The following NEO1 variants were observed in gnomAD, a reference collection of about 807,000 sequenced individuals.
The protein encoded by NEO1 is neogenin.
A neutral mutation model predicts 159.7 loss-of-function variants in NEO1; 63 were observed. That is an observed-to-expected ratio of 0.39 (90% CI 0.32 to 0.49). The LOEUF is 0.49. Among genes scored for constraint, NEO1 ranks in the 20% least tolerant of loss-of-function variants. The pLI is 0.85. For synonymous variants in NEO1, 633 were observed against 662.0 expected (o/e 0.96, Z 0.67); for missense variants, 1,615 against 1,831.0 (o/e 0.88, Z 2.15).
At chr15:73,093,661 C>T (rs2069829256) in intron 1 of NEO1, among the ~76,000 whole-genome samples, 1 of 151,896 alleles carries the variant, frequency 6.6e-6, no homozygotes. Flanking sequence ...GCAACCTCTG[C>T]CTCCCAGGCT....
intron 9 of NEO1, among the ~76,000 whole-genome samples, chr15:73,247,376 C>T (rs2039849155): frequency 6.6e-6 from 1 of 152,178 alleles, no homozygotes; most frequent in South Asian, 2.1e-4. Context: ...TATTTGCCTA[C>T]ACTTGGCCAA....
intron 1 of NEO1, among the ~76,000 whole-genome samples, chr15:73,113,900 TAAAAG>T (rs2071144660): frequency 6.6e-6 from 1 of 152,190 alleles, no homozygotes; most frequent in South Asian, 2.1e-4. Context: ...ACCTAACTGT[TAAAAG>T]AAATAGGATG....
chr15:73,190,262 G>A (rs1478078280), intron 7 of NEO1, among the ~76,000 whole-genome samples: 2 of 152,114 alleles, frequency 1.3e-5, no homozygotes, highest in Non-Finnish European at 2.9e-5. Context: ...AAATTATCAT[G>A]TGAGACTGGA....
intron 1 of NEO1, 50 bp from the exon 2 acceptor site, chr15:73,116,486 CAAAT>C (rs2071327472): frequency 1.4e-6 from 2 of 1,431,126 alleles, no homozygotes; most frequent in Non-Finnish European, 1.8e-6. Flanking sequence ...TATTTTCTGA[CAAAT>C]AATAGAAGAG....
intron 7 of NEO1, among the ~76,000 whole-genome samples, chr15:73,191,814 A>G (rs1567438339): frequency 6.6e-6 from 1 of 152,064 alleles, no homozygotes; most frequent in Non-Finnish European, 1.5e-5. Flanking sequence ...AAGAATAAGA[A>G]TACATAATTG....
rs2151492204 is a variant in NEO1, at chr15:73,098,665, C to G, written c.131-17875C>G. The stretch of plus-strand genomic sequence containing the variant: ...CAACATGTCTCTTATTGAGGGACAT[C>G]AAAGTTGTTTCCAGGTTGTTACTAC... On this transcript the variant is annotated intron_variant, in intron 1 of 28. Transcript: ENST00000261908. Among the ~76,000 whole-genome samples the G allele has an allele frequency of 2.6e-5, 4 of 152,284 alleles. No individual in the cohort carries two copies. In the South Asian group the frequency reaches 8.3e-4, roughly 32 times the overall value.
At position 73,132,755 on chromosome 15, in the gene NEO1, T is replaced by C. The variant is rs141301990; in HGVS notation, c.879-3136T>C. ...AATAGACAATTCTCAAAAGAAGATA[T>C]ACAAATGGCCAACAAACATGAAAAA... On this transcript the variant is annotated intron_variant, in intron 4 of 28. Coordinates refer to ENST00000261908, the MANE Select transcript of NEO1 (RefSeq NM_002499.4). 8.7e-3 allele frequency among the ~76,000 whole-genome samples: 1,324 copies of C among 152,144 alleles called. 22 individuals carry two copies. The highest frequency in any genetic ancestry group is 0.03 in the African/African-American group (1,245 of 41,506).
At chr15:73,259,054 C>T (rs757719351) in intron 14 of NEO1, 178 bp downstream of exon 14, 26 of 569,874 alleles carry the variant, frequency 4.6e-5, no homozygotes, top group Non-Finnish European at 6.6e-5. Context: ...TTTGCAGTGC[C>T]TTGTAGAGAA....
chr15:73,135,880 T>C lies in NEO1; in HGVS notation c.879-11T>C. On this transcript the variant is annotated splice_polypyrimidine_tract_variant and intron_variant, in intron 4 of 28. Coordinates refer to ENST00000261908, the MANE Select transcript of NEO1 (RefSeq NM_002499.4). ...AAATGTATCTTTTTTTTTTTTTTTTTTTTAACACAGCTCTGAAAGATTGGT... is the reference window on the plus strand; with the variant it reads ...AAATGTATCTTTTTTTTTTTTTTTTCTTTAACACAGCTCTGAAAGATTGGT... The C allele has an allele frequency of 3.4e-6, 5 of 1,477,236 alleles. No homozygotes were observed. Among genetic ancestry groups the C allele is most frequent in the Non-Finnish European group, 4.4e-6 (5 of 1,123,962 alleles). 91.5% of individuals were successfully genotyped at this position (1,477,236 alleles called of 1,614,324 possible).
rs1219507823 is a variant in NEO1, at chr15:73,058,091, A to G, written c.130+5286A>G. On this transcript the variant is annotated intron_variant, in intron 1 of 28. Transcript: ENST00000261908. ...GTTTTTTCAACTTGCTTTTTCACTT[A>G]GTATGTTGGAGATCGTTCCATGCCA... is the stretch of plus-strand genomic sequence containing the variant. 2.0e-5 allele frequency among the ~76,000 whole-genome samples: 3 copies of G among 152,116 alleles called. No homozygotes were observed. In the East Asian group the frequency reaches 5.8e-4, roughly 29 times the overall value.
At chr15:73,114,824 A>G (rs1300848400) in intron 1 of NEO1, among the ~76,000 whole-genome samples, 1 of 152,202 alleles carries the variant, frequency 6.6e-6, no homozygotes, top group Non-Finnish European at 1.5e-5. Context: ...ATAGTTACAT[A>G]GTAAAGATAT....
intron 1 of NEO1, among the ~76,000 whole-genome samples, chr15:73,097,041 A>G (rs932252260): frequency 1.3e-5 from 2 of 152,210 alleles, no homozygotes; most frequent in Admixed American, 6.5e-5. Flanking sequence ...GGAAGGATCA[A>G]TTGAGCCCAG....
chr15:73,241,854 A>G (rs2039501469), intron 8 of NEO1, among the ~76,000 whole-genome samples: 1 of 152,196 alleles, frequency 6.6e-6, no homozygotes, highest in Non-Finnish European at 1.5e-5. Context: ...TAATGCTTCT[A>G]TAGAAATTTG....
intron 3 of NEO1, among the ~76,000 whole-genome samples, chr15:73,123,884 C>G (rs2071816848): frequency 1.3e-5 from 2 of 152,156 alleles, no homozygotes; most frequent in Admixed American, 1.3e-4. Flanking sequence ...GTTCGCAAAG[C>G]AGGACTGTGA....
intron 13 of NEO1, among the ~76,000 whole-genome samples, chr15:73,256,885 T>G (rs914658685): frequency 3.3e-5 from 5 of 152,100 alleles, no homozygotes; most frequent in Admixed American, 3.3e-4. Context: ...GCCCAAGAGT[T>G]TGAGACCAGC....
intron 3 of NEO1, 65 bp downstream of exon 3, chr15:73,122,865 A>AC: frequency 6.4e-7 from 1 of 1,572,332 alleles, no homozygotes; most frequent in Non-Finnish European, 8.7e-7. Context: ...GTTCTGTTAG[A>AC]ATTTTTAAAA....
At chr15:73,177,485 A>G (rs2151954846) in intron 6 of NEO1, among the ~76,000 whole-genome samples, 1 of 152,332 alleles carries the variant, frequency 6.6e-6, no homozygotes, top group Non-Finnish European at 1.5e-5. Flanking sequence ...GCCTCTTAAA[A>G]TCAATATTTG....
chr15:73,284,378 T>C (rs894549380), intron 23 of NEO1, among the ~76,000 whole-genome samples: 4 of 152,234 alleles, frequency 2.6e-5, no homozygotes, highest in African/African-American at 9.6e-5. Context: ...TCATTTTCAC[T>C]GTACAGGGTA....
chr15:73,233,789 A>G (rs1416410583), intron 7 of NEO1, among the ~76,000 whole-genome samples: 1 of 152,022 alleles, frequency 6.6e-6, no homozygotes, highest in Admixed American at 6.6e-5. Context: ...TCCTACTGAA[A>G]TCCTTATGTT....
Sources: allele counts gnomAD v4.1 joint callset (sites outside exome capture counted in the v4.1 genomes callset), GRCh38; gene constraint gnomAD v4.1.1; transcripts MANE v1.5; gene names NCBI Gene and HGNC (gene_info 2026-07-23, HGNC 2026-07-21).